The following DPP10 variants were observed in gnomAD, a reference collection of about 807,000 sequenced individuals.
DPP10 encodes dipeptidyl peptidase like 10.
In DPP10, 33 loss-of-function variants were observed where a neutral mutation model predicts 120.9. The observed-to-expected ratio is 0.27, with a 90% CI of 0.21 to 0.37. The LOEUF (loss-of-function observed/expected upper bound fraction) is 0.37. Ranked by LOEUF, DPP10 falls within the 10% of genes least tolerant of loss-of-function variation. The pLI is 1.00. For missense variants in DPP10, 816 were observed against 942.8 expected (o/e 0.87, Z 1.76); for synonymous variants, 337 against 326.1 (o/e 1.03, Z -0.36).
chr2:115,651,257 T>A (rs1190248324), intron 5 of DPP10, among the ~76,000 whole-genome samples: 2 of 152,028 alleles, frequency 1.3e-5, no homozygotes. Context: ...TTCAACTCTG[T>A]TTGTATAATA....
At chr2:114,785,565 T>C (rs932385661) in intron 1 of DPP10, among the ~76,000 whole-genome samples, 18 of 152,174 alleles carry the variant, frequency 1.2e-4, no homozygotes, top group African/African-American at 4.3e-4. Flanking sequence ...GCTCGTTAAA[T>C]TAGGAAATCT....
chr2:114,962,267 A>T (rs532587121), intron 1 of DPP10, among the ~76,000 whole-genome samples: 1 of 152,156 alleles, frequency 6.6e-6, no homozygotes, highest in Admixed American at 6.5e-5. Context: ...GTTTTTTTAC[A>T]TTTGTTTCCT....
chr2:115,111,373 C>A (rs1382635646), intron 1 of DPP10, among the ~76,000 whole-genome samples: 1 of 151,782 alleles, frequency 6.6e-6, no homozygotes, highest in East Asian at 1.9e-4. Context: ...TAAGGATCAA[C>A]TTGGTGGGGG....
chr2:115,488,880 T>TTA (rs1553428862), intron 3 of DPP10, among the ~76,000 whole-genome samples: 2 of 126,752 alleles, frequency 1.6e-5, no homozygotes, highest in Non-Finnish European at 3.3e-5. Flanking sequence ...TAGAGTATAA[T>TTA]AAAAAAAAAA....
At chr2:114,679,759 G>A (rs546558138) in intron 1 of DPP10, among the ~76,000 whole-genome samples, 1 of 152,010 alleles carries the variant, frequency 6.6e-6, no homozygotes, top group African/African-American at 2.4e-5. Context: ...TGTCACCTTA[G>A]GGCTTTCTCA....
At chr2:114,587,003 A>G (rs1388016343) in intron 1 of DPP10, among the ~76,000 whole-genome samples, 1 of 152,106 alleles carries the variant, frequency 6.6e-6, no homozygotes, top group African/African-American at 2.4e-5. Context: ...TTCTTTATAA[A>G]TTATACAGCC....
At chr2:115,730,826 T>C (rs1056977169) in intron 8 of DPP10, among the ~76,000 whole-genome samples, 1 of 152,182 alleles carries the variant, frequency 6.6e-6, no homozygotes, top group African/African-American at 2.4e-5. Flanking sequence ...GGAAAAAGTA[T>C]AGTTTTTGCC....
At chr2:114,718,094 A>C (rs1190244362) in intron 1 of DPP10, among the ~76,000 whole-genome samples, 1 of 152,062 alleles carries the variant, frequency 6.6e-6, no homozygotes, top group Admixed American at 6.5e-5. Context: ...AACAAAAAAA[A>C]AACAGGGACT....
intron 1 of DPP10, among the ~76,000 whole-genome samples, chr2:115,041,504 C>T (rs1280805434): frequency 6.6e-6 from 1 of 152,102 alleles, no homozygotes; most frequent in Admixed American, 6.6e-5. Flanking sequence ...CAGAGATCTC[C>T]AGCTTAGTGA....
At chr2:115,356,472 T>C (rs1313516312) in intron 3 of DPP10, among the ~76,000 whole-genome samples, 1 of 152,134 alleles carries the variant, frequency 6.6e-6, no homozygotes, top group African/African-American at 2.4e-5. Flanking sequence ...GATGGAGTTT[T>C]CTAAATGTAG....
At chr2:114,593,942 G>A (rs550884062) in intron 1 of DPP10, among the ~76,000 whole-genome samples, 9 of 152,292 alleles carry the variant, frequency 5.9e-5, no homozygotes, top group Non-Finnish European at 8.8e-5. Context: ...TTGTGAAAAA[G>A]CAGAAAGTGA....
chr2:115,079,099 G>T (rs1428507490), intron 1 of DPP10, among the ~76,000 whole-genome samples: 1 of 152,148 alleles, frequency 6.6e-6, no homozygotes, highest in African/African-American at 2.4e-5. Context: ...AGAAATCCTC[G>T]GCCGGGCGCG....
At chr2:115,033,871 CTTTCTT>C (rs1220746393) in intron 1 of DPP10, among the ~76,000 whole-genome samples, 54 of 130,764 alleles carry the variant, frequency 4.1e-4, no homozygotes, top group East Asian at 1.3e-3. Context: ...TGTCCAATAT[CTTTCTT>C]TTTCTTTTTC....
At chr2:115,395,885 A>G (rs2067644581) in intron 3 of DPP10, among the ~76,000 whole-genome samples, 2 of 152,102 alleles carry the variant, frequency 1.3e-5, no homozygotes, top group South Asian at 4.1e-4. Flanking sequence ...TGTACATACT[A>G]TATACAATGA....
chr2:114,919,366 A>T (rs925012625), intron 1 of DPP10, among the ~76,000 whole-genome samples: 1 of 151,478 alleles, frequency 6.6e-6, no homozygotes, highest in Non-Finnish European at 1.5e-5. Context: ...CTCAGTGACT[A>T]CTCCACTAGT....
chr2:115,002,798 A>G (rs2136541), intron 1 of DPP10, among the ~76,000 whole-genome samples: 54 of 152,300 alleles, frequency 3.5e-4, no homozygotes, highest in Admixed American at 1.8e-3. Flanking sequence ...ATGCAAATCA[A>G]TACGACAATG....
chr2:114,594,318 A>G (rs775709693), intron 1 of DPP10, among the ~76,000 whole-genome samples: 1 of 151,472 alleles, frequency 6.6e-6, no homozygotes, highest in Non-Finnish European at 1.5e-5. Context: ...CAGACAGCCT[A>G]TTGTGGGATC....
At chr2:115,080,292 A>G (rs907525794) in intron 1 of DPP10, among the ~76,000 whole-genome samples, 4 of 152,292 alleles carry the variant, frequency 2.6e-5, no homozygotes, top group African/African-American at 9.6e-5. Flanking sequence ...TCCTGGGATT[A>G]CAGGCATGAT....
intron 1 of DPP10, among the ~76,000 whole-genome samples, chr2:115,263,128 G>A (rs2059324752): frequency 6.6e-6 from 1 of 152,126 alleles, no homozygotes; most frequent in South Asian, 2.1e-4. Context: ...CAAAATACTA[G>A]GAAGAGATTA....
Sources: allele counts gnomAD v4.1 joint callset (sites outside exome capture counted in the v4.1 genomes callset), GRCh38; gene constraint gnomAD v4.1.1; transcripts MANE v1.5; gene names NCBI Gene and HGNC (gene_info 2026-07-23, HGNC 2026-07-21).